Variants in RBL1 observed in about 807,000 individuals in gnomAD.
The protein encoded by RBL1 is retinoblastoma-like protein 1.
A neutral mutation model predicts 123.0 loss-of-function variants in RBL1; 82 were observed. The observed-to-expected ratio is 0.67, with a 90% CI of 0.56 to 0.80. The LOEUF (loss-of-function observed/expected upper bound fraction) is 0.80, where lower values mean the gene tolerates loss of function less well. Ranked by LOEUF, RBL1 falls within the 30% of genes least tolerant of loss-of-function variation. The pLI is 0.00. For synonymous variants in RBL1, 405 were observed against 441.3 expected (o/e 0.92, Z 1.03); for missense variants, 1,171 against 1,299.6 (o/e 0.90, Z 1.52).
intron 15 of RBL1, 126 bp downstream of exon 15, chr20:37,035,116 T>TAAA (rs11474723): frequency 3.2e-3 from 2,589 of 811,800 alleles, no homozygotes; most frequent in East Asian, 0.013. Context: ...CAAATCTATT[T>TAAA]AAAAAAAAAA....
intron 6 of RBL1, among the ~76,000 whole-genome samples, 176 bp from the exon 7 acceptor site, chr20:37,065,649 C>A (rs1223775003): frequency 6.9e-6 from 1 of 144,190 alleles, no homozygotes; most frequent in Non-Finnish European, 1.5e-5. Context: ...TTTTTTTTAA[C>A]TTTTTTTTTT....
At chr20:37,003,625 G>GAAA in intron 21 of RBL1, 77 bp downstream of exon 21, 46 of 1,150,662 alleles carry the variant, frequency 4.0e-5, no homozygotes, top group South Asian at 1.6e-4. Context: ...GGCCAAAAAA[G>GAAA]AAAAAAAAAA....
At position 37,066,553 on chromosome 20, in the gene RBL1, T is replaced by C. The variant is rs1260913304; in HGVS notation, c.846+171A>G. On this transcript the variant is annotated intron_variant, in intron 6 of 21. Transcript: ENST00000373664. The stretch of plus-strand genomic sequence containing the variant: ...TTGGTCACATTTTTCAACAGCTCTG[T>C]TTCTCACATCACACAAGATCATAAG... Among the ~76,000 whole-genome samples the C allele has an allele frequency of 2.0e-5, 3 of 152,218 alleles. No homozygotes were observed. The East Asian group carries it at 5.8e-4, about 29-fold the overall frequency.
rs781142781 is a variant in RBL1, at chr20:37,066,924, T to C, written c.686-40A>G. The C allele has an allele frequency of 2.5e-6, 4 of 1,593,574 alleles. No individual in the cohort carries two copies. In the African/African-American group the frequency reaches 4.1e-5, roughly 16 times the overall value. On this transcript the variant is annotated intron_variant, in intron 5 of 21. Coordinates refer to ENST00000373664, the MANE Select transcript of RBL1 (RefSeq NM_002895.5). ...TAGGAAGGGCAGAGGGAAAAAAAAA[T>C]AGTCAACTTTTAAAAATCTTTTTCC...
chr20:37,075,023 ATAT>A (rs2065341977), intron 2 of RBL1, among the ~76,000 whole-genome samples: 1 of 152,258 alleles, frequency 6.6e-6, no homozygotes, highest in Non-Finnish European at 1.5e-5. Flanking sequence ...ATGCAATGGA[ATAT>A]TATTCAACCA....
intron 16 of RBL1, among the ~76,000 whole-genome samples, chr20:37,025,658 AT>A (rs1385409811): frequency 6.6e-6 from 1 of 152,034 alleles, no homozygotes; most frequent in African/African-American, 2.4e-5. Context: ...TAGAATGCAG[AT>A]ATGATATCTG....
intron 12 of RBL1, 73 bp from the exon 13 acceptor site, chr20:37,044,323 A>G (rs1183441706): frequency 7.0e-7 from 1 of 1,425,390 alleles, no homozygotes; most frequent in Non-Finnish European, 9.6e-7. Flanking sequence ...ATGTAGGACT[A>G]GCTGTGGCTT....
rs2146230601 is a variant in RBL1 at position 37,022,876 on chromosome 20, T to G, written c.2383-50A>C. On this transcript the variant is annotated intron_variant, in intron 16 of 21. Coordinates refer to ENST00000373664, the MANE Select transcript of RBL1 (RefSeq NM_002895.5). ...TGCAAAACACCAAGTAAATCATTTC[T>G]CAAATTTTTATGTCTTACCAAGACC... is the stretch of plus-strand genomic sequence containing the variant. 6 of 1,435,572 alleles carry G rather than the reference T, an allele frequency of 4.2e-6. No homozygotes were observed. In the East Asian group the frequency reaches 1.4e-4, roughly 33 times the overall value. The allele number at this position is 1,435,572 out of a possible 1,614,324, so 88.9% of individuals were successfully genotyped here.
intron 12 of RBL1, among the ~76,000 whole-genome samples, chr20:37,045,071 C>CATTTACTT (rs2092205208): frequency 7.0e-6 from 1 of 142,610 alleles, no homozygotes; most frequent in Non-Finnish European, 1.5e-5. Context: ...TTAATATTCA[C>CATTTACTT]ATTTATTTAC....
At chr20:37,071,260 T>G (rs2065277333) in intron 2 of RBL1, among the ~76,000 whole-genome samples, 1 of 152,212 alleles carries the variant, frequency 6.6e-6, no homozygotes, top group South Asian at 2.1e-4. Context: ...TGGCCAATAC[T>G]TATAATTTCT....
At chr20:37,051,276 G>A (rs943429843) in intron 11 of RBL1, among the ~76,000 whole-genome samples, 1 of 151,900 alleles carries the variant, frequency 6.6e-6, no homozygotes, top group Non-Finnish European at 1.5e-5. Flanking sequence ...CTGCCTCCTG[G>A]GTTAACACAA....
At chr20:37,015,382 T>A (rs2064233065) in intron 19 of RBL1, among the ~76,000 whole-genome samples, 1 of 151,736 alleles carries the variant, frequency 6.6e-6, no homozygotes, top group Non-Finnish European at 1.5e-5. Flanking sequence ...AAAACCACCC[T>A]GGATAGGTAA....
At chr20:36,999,680 G>A (rs2063934299) in intron 21 of RBL1, among the ~76,000 whole-genome samples, 1 of 152,238 alleles carries the variant, frequency 6.6e-6, no homozygotes, top group Non-Finnish European at 1.5e-5. Flanking sequence ...TTTTGGTGGA[G>A]ATGGGGTTTC....
At chr20:37,004,821 A>G (rs555930511) in intron 20 of RBL1, among the ~76,000 whole-genome samples, 1 of 151,864 alleles carries the variant, frequency 6.6e-6, no homozygotes, top group Admixed American at 6.6e-5. Flanking sequence ...TGAGGCCAGG[A>G]ATTGGAGACC....
At chr20:37,017,620 T>TTGTG (rs147347259) in intron 19 of RBL1, among the ~76,000 whole-genome samples, 7,320 of 139,672 alleles carry the variant, frequency 0.052, 245 homozygotes, top group East Asian at 0.082. Context: ...GGACATTTTC[T>TTGTG]TGTGTGTGTG....
At chr20:37,029,124 T>G (rs1182496627) in intron 16 of RBL1, among the ~76,000 whole-genome samples, 7 of 152,132 alleles carry the variant, frequency 4.6e-5, no homozygotes, top group Non-Finnish European at 1.0e-4. Context: ...TTTCAAGTGA[T>G]ACAGGAAAGC....
Position 37,040,167 on chromosome 20 carries a change from C to T in RBL1, c.1889G>A (p.Gly630Glu). 1 of 1,613,698 alleles carries T rather than the reference C, an allele frequency of 6.2e-7. No individual in the cohort carries two copies. The highest frequency in any genetic ancestry group is 8.5e-7 in the Non-Finnish European group (1 of 1,179,860). ...GTTGAACCTACCTCTTCGAAGACTC[C>T]CACTGTCAGTTCGAACTTCCTTGAC... ...PRVKEVRTDS[G>E]SLRRDMQPLS... Residue 630 changes from glycine to glutamate, a missense_variant, in exon 14 of 22, where the codon GGG (glycine) becomes GAG (glutamate). Coordinates refer to ENST00000373664, the MANE Select transcript of RBL1 (RefSeq NM_002895.5).
At chr20:37,067,946 C>A in intron 3 of RBL1, 40 bp downstream of exon 3, 1 of 1,586,528 alleles carries the variant, frequency 6.3e-7, no homozygotes, top group South Asian at 1.2e-5. Context: ...TAGTTTGTAT[C>A]ATAATCTTTA....
chr20:37,001,918 T>TAAAACAA (rs2063987956), intron 21 of RBL1, among the ~76,000 whole-genome samples: 2 of 86,544 alleles, frequency 2.3e-5, no homozygotes, highest in African/African-American at 4.4e-5. Context: ...TGCAGAACAA[T>TAAAACAA]AAAAAAAAAA....
Sources: allele counts gnomAD v4.1 joint callset (sites outside exome capture counted in the v4.1 genomes callset), GRCh38; gene constraint gnomAD v4.1.1; transcripts MANE v1.5; gene names NCBI Gene and HGNC (gene_info 2026-07-23, HGNC 2026-07-21).